Variants in DPYD observed in about 807,000 individuals in gnomAD.
DPYD encodes the protein dihydropyrimidine dehydrogenase.
DPYD carries 109 observed loss-of-function variants against 116.2 expected under a neutral mutation model. The observed-to-expected ratio is 0.94, with a 90% confidence interval of 0.80 to 1.10. The LOEUF (loss-of-function observed/expected upper bound fraction) is 1.10, where lower values mean the gene tolerates loss of function less well. DPYD is among the 50% of genes least tolerant of loss of function. The pLI is 0.00. For synonymous variants in DPYD, 440 were observed against 432.0 expected, an observed-to-expected ratio of 1.02 and a Z score of -0.23; for missense variants, 1,302 against 1,254.5, an observed-to-expected ratio of 1.04 and a Z score of -0.57.
chr1:97,817,555 T>C (rs997606272), intron 3 of DPYD, among the ~76,000 whole-genome samples: 2 of 152,048 alleles, frequency 1.3e-5, no homozygotes, highest in Admixed American at 6.6e-5. Context: ...TTGTGACATA[T>C]ATACCAAATA....
chr1:97,820,560 T>C (rs555615440), intron 3 of DPYD, among the ~76,000 whole-genome samples: 1 of 152,330 alleles, frequency 6.6e-6, no homozygotes, highest in Non-Finnish European at 1.5e-5. Context: ...TCTGTATAAA[T>C]GGCTGTTTAT....
At chr1:97,894,335 C>A (rs948191474) in intron 1 of DPYD, among the ~76,000 whole-genome samples, 1 of 151,754 alleles carries the variant, frequency 6.6e-6, no homozygotes, top group Admixed American at 6.6e-5. Context: ...TCTTCAAATA[C>A]CACACATTGG....
chr1:97,863,574 C>T (rs1671228076), intron 2 of DPYD, among the ~76,000 whole-genome samples: 1 of 151,722 alleles, frequency 6.6e-6, no homozygotes, highest in African/African-American at 2.4e-5. Flanking sequence ...GAATATTATG[C>T]ATTCATTAAA....
At chr1:97,758,444 CATT>C (rs1665383761) in intron 3 of DPYD, among the ~76,000 whole-genome samples, 1 of 151,608 alleles carries the variant, frequency 6.6e-6, no homozygotes, top group Non-Finnish European at 1.5e-5. Context: ...ACATGAGAGA[CATT>C]AATCTTTCAA....
chr1:97,394,524 A>T (rs921855512), intron 14 of DPYD: 4 of 152,076 alleles, frequency 2.6e-5, no homozygotes, highest in Admixed American at 6.6e-5. Flanking sequence ...ACCTGAAAGC[A>T]CTTAACAATA....
intron 13 of DPYD, among the ~76,000 whole-genome samples, chr1:97,460,647 T>C (rs1676963618): frequency 6.6e-6 from 1 of 152,158 alleles, no homozygotes; most frequent in Non-Finnish European, 1.5e-5. Flanking sequence ...CAGAAGTTTC[T>C]TTTATCTGAC....
At chr1:97,506,556 A>C (rs1647344659) in intron 13 of DPYD, among the ~76,000 whole-genome samples, 1 of 151,954 alleles carries the variant, frequency 6.6e-6, no homozygotes, top group Non-Finnish European at 1.5e-5. Context: ...AAGGAAACTG[A>C]ATAAGAGGTA....
chr1:97,662,061 C>A (rs1221317769), intron 8 of DPYD, among the ~76,000 whole-genome samples: 2 of 143,010 alleles, frequency 1.4e-5, no homozygotes, highest in East Asian at 4.2e-4. Flanking sequence ...GTGGCATGAT[C>A]CCGGCTCCAG....
intron 2 of DPYD, among the ~76,000 whole-genome samples, chr1:97,846,148 G>C (rs185303055): frequency 1.0e-3 from 156 of 152,292 alleles, no homozygotes; most frequent in African/African-American, 3.4e-3. Flanking sequence ...GGCAGAAGGC[G>C]TTGTTGAACA....
In DPYD at chr1:97,193,702, C is replaced by T. The variant is rs116592697; in HGVS notation, c.2443-454G>A. ...CTGTTTATTACGTTAACTCAACCAT[C>T]ACTTACCCCTGCCTCTGTCTCCCTC... is the stretch of plus-strand genomic sequence containing the variant. On this transcript the variant is annotated intron_variant, in intron 19 of 22. Transcript: ENST00000370192. Among the ~76,000 whole-genome samples, 395 of 152,250 alleles carry T rather than the reference C, an allele frequency of 2.6e-3. 1 individual carries two copies. The highest frequency in any genetic ancestry group is 9.1e-3 in the African/African-American group (380 of 41,552).
At chr1:97,695,587 T>C (rs930310715) in intron 6 of DPYD, among the ~76,000 whole-genome samples, 12 of 150,950 alleles carry the variant, frequency 7.9e-5, no homozygotes, top group Non-Finnish European at 1.3e-4. Flanking sequence ...CATAGTTAAG[T>C]GATCGATATA....
rs1362275776 is a variant in DPYD at position 97,579,165 on chromosome 1, C to T, written c.1129-5195G>A. ...ATCAGAATATATGCCAGTCAATAAG[C>T]CAACGAAGAGGCATCAAGTGAATGT... is the stretch of plus-strand genomic sequence containing the variant. On this transcript the variant is annotated intron_variant, in intron 10 of 22. Transcript: ENST00000370192. 3.3e-5 allele frequency among the ~76,000 whole-genome samples: 5 copies of T among 152,186 alleles called. No homozygotes were observed. In the South Asian group the frequency reaches 8.3e-4, roughly 25 times the overall value.
chr1:97,455,400 T>C (rs12354219), intron 13 of DPYD, among the ~76,000 whole-genome samples: 62,735 of 151,776 alleles, frequency 0.41, 13,358 homozygotes, highest in Middle Eastern at 0.55. Flanking sequence ...TTGTCAAAAA[T>C]GTTTTAATTA....
At chr1:97,580,550 T>A (rs1351192759) in intron 10 of DPYD, among the ~76,000 whole-genome samples, 1 of 152,162 alleles carries the variant, frequency 6.6e-6, no homozygotes, top group Admixed American at 6.5e-5. Context: ...AAGCAGAAAA[T>A]CAGCATTTGT....
At chr1:97,408,993 C>T (rs1673826629) in intron 14 of DPYD, among the ~76,000 whole-genome samples, 1 of 152,076 alleles carries the variant, frequency 6.6e-6, no homozygotes, top group Admixed American at 6.5e-5. Context: ...GGTTTTGGGA[C>T]TTGGACTGGT....
At chr1:97,565,765 G>A (rs1652474566) in intron 11 of DPYD, among the ~76,000 whole-genome samples, 2 of 152,100 alleles carry the variant, frequency 1.3e-5, no homozygotes. Flanking sequence ...TGTATTCCTA[G>A]TGCCTGAGTA....
chr1:97,434,653 A>G (rs1490407975), intron 14 of DPYD, among the ~76,000 whole-genome samples: 2 of 152,110 alleles, frequency 1.3e-5, no homozygotes, highest in African/African-American at 4.8e-5. Context: ...AAAGGAAATG[A>G]AAATCCAGGT....
At chr1:97,309,467 A>G (rs927286089) in intron 16 of DPYD, among the ~76,000 whole-genome samples, 2 of 151,780 alleles carry the variant, frequency 1.3e-5, no homozygotes, top group South Asian at 2.1e-4. Flanking sequence ...GGTGCATGGC[A>G]TTATAAGCAG....
intron 8 of DPYD, among the ~76,000 whole-genome samples, chr1:97,658,227 A>G (rs982662789): frequency 6.6e-6 from 1 of 152,274 alleles, no homozygotes; most frequent in South Asian, 2.1e-4. Flanking sequence ...CTAAATATAT[A>G]TTTCCTAATG....
Sources: allele counts gnomAD v4.1 joint callset (sites outside exome capture counted in the v4.1 genomes callset), GRCh38; gene constraint gnomAD v4.1.1; transcripts MANE v1.5; gene names NCBI Gene and HGNC (gene_info 2026-07-23, HGNC 2026-07-21).